The following CYSTM1 variants were observed in gnomAD, a reference collection of about 807,000 sequenced individuals.
CYSTM1 encodes cysteine-rich transmembrane module-containing protein 1.
CYSTM1 carries 4 observed loss-of-function variants against 13.1 expected under a neutral mutation model. That is an observed-to-expected ratio of 0.31 (90% CI 0.15 to 0.70). The LOEUF (loss-of-function observed/expected upper bound fraction) is 0.70, where lower values mean the gene tolerates loss of function less well. CYSTM1 is among the 30% of genes least tolerant of loss of function. The pLI is 0.72. For synonymous variants in CYSTM1, 36 were observed against 42.7 expected (o/e 0.84, Z 0.62); for missense variants, 96 against 121.6 (o/e 0.79, Z 0.99).
At chr5:140,189,310 G>T (rs1764061669) in intron 1 of CYSTM1, among the ~76,000 whole-genome samples, 1 of 152,044 alleles carries the variant, frequency 6.6e-6, no homozygotes, top group South Asian at 2.1e-4. Context: ...AAAAGAGTCT[G>T]AGATCTCCCC....
intron 2 of CYSTM1, among the ~76,000 whole-genome samples, chr5:140,214,181 G>T (rs1169835372): frequency 6.6e-6 from 1 of 152,202 alleles, no homozygotes; most frequent in Non-Finnish European, 1.5e-5. Flanking sequence ...GCACTTCAAT[G>T]ATGGTCTCCC....
chr5:140,192,823 A>G (rs567696380), intron 1 of CYSTM1, among the ~76,000 whole-genome samples: 2 of 152,296 alleles, frequency 1.3e-5, no homozygotes, highest in Admixed American at 1.3e-4. Context: ...ATTGGCTTAG[A>G]TAGACTGGGT....
intron 2 of CYSTM1, among the ~76,000 whole-genome samples, chr5:140,231,632 A>C (rs927514542): frequency 5.9e-5 from 9 of 152,258 alleles, no homozygotes; most frequent in African/African-American, 1.9e-4. Flanking sequence ...AATCTGGCAC[A>C]GTCCAAGAAG....
intron 2 of CYSTM1, among the ~76,000 whole-genome samples, chr5:140,204,369 T>A (rs1262661923): frequency 3.3e-5 from 5 of 152,086 alleles, no homozygotes; most frequent in African/African-American, 1.2e-4. Flanking sequence ...CAAGACCCTG[T>A]CTCTCAACAA....
chr5:140,180,606 G>A (rs938085710), intron 1 of CYSTM1, among the ~76,000 whole-genome samples: 1 of 152,182 alleles, frequency 6.6e-6, no homozygotes, highest in African/African-American at 2.4e-5. Flanking sequence ...AAGGAAGTGA[G>A]CTTGGAATGA....
chr5:140,198,177 CA>C (rs1209224179), intron 2 of CYSTM1, among the ~76,000 whole-genome samples: 1 of 152,222 alleles, frequency 6.6e-6, no homozygotes, highest in Non-Finnish European at 1.5e-5. Context: ...GTAATCTTCA[CA>C]ACAACCCCAT....
intron 1 of CYSTM1, among the ~76,000 whole-genome samples, chr5:140,186,572 C>T (rs1252045324): frequency 1.3e-5 from 2 of 152,236 alleles, no homozygotes; most frequent in Non-Finnish European, 2.9e-5. Flanking sequence ...TTTGAGCTTA[C>T]AGTACGCTCT....
intron 1 of CYSTM1, among the ~76,000 whole-genome samples, chr5:140,178,667 C>T (rs564760507): frequency 6.6e-5 from 10 of 151,624 alleles, no homozygotes; most frequent in Admixed American, 2.0e-4. Flanking sequence ...GTGGTGTAAT[C>T]GCAGCTCACT....
At chr5:140,205,297 G>T (rs1764286714) in intron 2 of CYSTM1, among the ~76,000 whole-genome samples, 1 of 152,188 alleles carries the variant, frequency 6.6e-6, no homozygotes, top group Non-Finnish European at 1.5e-5. Context: ...TCTTCTTGGT[G>T]TCTTATGCTG....
intron 2 of CYSTM1, among the ~76,000 whole-genome samples, chr5:140,211,506 T>C (rs185446757): frequency 2.6e-5 from 4 of 152,356 alleles, no homozygotes; most frequent in East Asian, 3.9e-4. Context: ...GAAGCTATAA[T>C]AACATCTTGT....
At chr5:140,226,559 A>T (rs1424284454) in intron 2 of CYSTM1, among the ~76,000 whole-genome samples, 17 of 106,676 alleles carry the variant, frequency 1.6e-4, no homozygotes, top group African/African-American at 5.1e-4. Flanking sequence ...ATAATATATA[A>T]TATAAATATA....
chr5:140,236,214 G>A (rs1018370164), intron 2 of CYSTM1, among the ~76,000 whole-genome samples: 2 of 152,132 alleles, frequency 1.3e-5, no homozygotes, highest in African/African-American at 2.4e-5. Context: ...TTATCTGTAC[G>A]TCTTTCATCT....
chr5:140,234,144 G>T (rs1226937942), intron 2 of CYSTM1, among the ~76,000 whole-genome samples: 2 of 152,192 alleles, frequency 1.3e-5, no homozygotes, highest in African/African-American at 4.8e-5. Context: ...TGTATAAAAT[G>T]TGAGGTTTAA....
chr5:140,194,896 A>G (rs960335837), intron 2 of CYSTM1, among the ~76,000 whole-genome samples: 4 of 152,072 alleles, frequency 2.6e-5, no homozygotes, highest in African/African-American at 9.7e-5. Context: ...GTGTTTTCTG[A>G]GGGCTACCCT....
At chr5:140,190,391 G>T (rs1764080513) in intron 1 of CYSTM1, among the ~76,000 whole-genome samples, 1 of 152,142 alleles carries the variant, frequency 6.6e-6, no homozygotes, top group Non-Finnish European at 1.5e-5. Context: ...TATGTATGAG[G>T]CAGTAAATAG....
Position 140,227,013 on chromosome 5 carries a change from G to A in CYSTM1, c.188-16292G>A, listed in dbSNP as rs576547882. Among the ~76,000 whole-genome samples, 14 of 152,190 alleles carry A rather than the reference G, an allele frequency of 9.2e-5. No homozygotes were observed. In the South Asian group the frequency reaches 1.0e-3, roughly 11 times the overall value. On this transcript the variant is annotated intron_variant, in intron 2 of 2. Coordinates refer to ENST00000261811, the MANE Select transcript of CYSTM1 (RefSeq NM_032412.4). The stretch of plus-strand genomic sequence containing the variant: ...TGCTGAGGAAGTGAGAGGAGAAAGC[G>A]GAGTATGATGGATGTTCACACTCAC...
chr5:140,226,805 C>T (rs531192121), intron 2 of CYSTM1, among the ~76,000 whole-genome samples: 2 of 148,394 alleles, frequency 1.3e-5, no homozygotes, highest in South Asian at 4.2e-4. Context: ...TTCCAGGACA[C>T]AGGAAAGGAT....
chr5:140,206,415 T>C (rs1438335403), intron 2 of CYSTM1, among the ~76,000 whole-genome samples: 1 of 152,206 alleles, frequency 6.6e-6, no homozygotes, highest in East Asian at 1.9e-4. Context: ...GAATTTTAAA[T>C]ATTTCTTGAA....
rs779243261 is a variant in CYSTM1 at position 140,239,428 on chromosome 5, T to G, written c.188-3877T>G. 2.6e-5 allele frequency among the ~76,000 whole-genome samples: 4 copies of G among 152,114 alleles called. No individual in the cohort carries two copies. The highest frequency in any genetic ancestry group is 5.9e-5 in the Non-Finnish European group (4 of 68,006). On this transcript the variant is annotated intron_variant, in intron 2 of 2. Coordinates refer to ENST00000261811, the MANE Select transcript of CYSTM1 (RefSeq NM_032412.4). The surrounding 1 kb of genome is among the most constrained non-coding windows in gnomAD (Gnocchi z 5.4). ...ATCCTGGGACCAAGGGGACTACTGG[T>G]TGGTGTGTCTGGTGGCCAAAGTGGC... is the stretch of plus-strand genomic sequence containing the variant.
Sources: allele counts gnomAD v4.1 joint callset (sites outside exome capture counted in the v4.1 genomes callset), GRCh38; gene constraint gnomAD v4.1.1; non-coding constraint Gnocchi (gnomAD v3.1); transcripts MANE v1.5; gene names NCBI Gene and HGNC (gene_info 2026-07-23, HGNC 2026-07-21).